ADK: variants seen among roughly 807,000 people sequenced by gnomAD.
ADK encodes the protein N6,N6-dimethyladenosine kinase.
In ADK, 24 loss-of-function variants were observed where a neutral mutation model predicts 44.7. That is an observed-to-expected ratio of 0.54 (90% CI 0.39 to 0.76). ADK has a LOEUF of 0.76. ADK is among the 30% of genes least tolerant of loss of function. The pLI, the probability that ADK is intolerant of heterozygous loss-of-function variation, is 0.00. For missense variants in ADK, 321 were observed against 425.1 expected (o/e 0.76, Z 2.15); for synonymous variants, 128 against 142.6 (o/e 0.90, Z 0.73).
chr10:74,407,917 G>A (rs1470580542), intron 6 of ADK, among the ~76,000 whole-genome samples: 1 of 152,000 alleles, frequency 6.6e-6, no homozygotes, highest in Non-Finnish European at 1.5e-5. Flanking sequence ...GGCTGGAAGT[G>A]CAAATCTCTA....
chr10:74,186,370 C>G lies in ADK; in HGVS notation c.66-14394C>G, dbSNP rs867022939. ...ACACGTCTCACTGCAACCTTGACCT[C>G]CCCAGCCCAAGCCATCTACTTGCCT... is the stretch of plus-strand genomic sequence containing the variant. On this transcript the variant is annotated intron_variant, in intron 1 of 10. Transcript: ENST00000539909. 2.3e-4 allele frequency among the ~76,000 whole-genome samples: 35 copies of G among 152,172 alleles called. 1 individual carries two copies. Among genetic ancestry groups the G allele is most frequent in the Middle Eastern group, 6.8e-3 (2 of 294 alleles).
chr10:74,639,441 ATAAAC>A (rs1853751546), intron 9 of ADK, among the ~76,000 whole-genome samples: 1 of 152,222 alleles, frequency 6.6e-6, no homozygotes, highest in Non-Finnish European at 1.5e-5. Context: ...TACATGAAAA[ATAAAC>A]TAACACAGTG....
intron 6 of ADK, among the ~76,000 whole-genome samples, chr10:74,431,687 G>A (rs932300811): frequency 6.6e-6 from 1 of 152,200 alleles, no homozygotes; most frequent in Non-Finnish European, 1.5e-5. Context: ...GTTGCAGTGA[G>A]CCTAGATTGT....
At chr10:74,702,751 A>G (rs951741879) in intron 10 of ADK, among the ~76,000 whole-genome samples, 11 of 151,852 alleles carry the variant, frequency 7.2e-5, no homozygotes, top group African/African-American at 2.7e-4. Flanking sequence ...AGCAAGTGCC[A>G]TAACACCTGG....
intron 10 of ADK, among the ~76,000 whole-genome samples, chr10:74,701,704 G>T (rs1362817576): frequency 6.6e-6 from 1 of 152,328 alleles, no homozygotes; most frequent in Non-Finnish European, 1.5e-5. Context: ...CAGCACTTTG[G>T]GAGGCTGAGG....
intron 1 of ADK, among the ~76,000 whole-genome samples, 165 bp from the exon 2 acceptor site, chr10:74,200,599 C>G (rs1843343137): frequency 6.6e-6 from 1 of 151,942 alleles, no homozygotes; most frequent in Admixed American, 6.6e-5. Flanking sequence ...CTTTATGCTA[C>G]CTCTAAAATG....
At chr10:74,238,217 T>C (rs1845048871) in intron 3 of ADK, among the ~76,000 whole-genome samples, 2 of 152,200 alleles carry the variant, frequency 1.3e-5, no homozygotes, top group African/African-American at 2.4e-5. Context: ...CTCTGGTAGA[T>C]TCTTATCACA....
At chr10:74,425,724 G>T (rs927318042) in intron 6 of ADK, among the ~76,000 whole-genome samples, 1 of 152,192 alleles carries the variant, frequency 6.6e-6, no homozygotes, top group African/African-American at 2.4e-5. Context: ...CAGAATGAAA[G>T]AATCTGAGTG....
intron 10 of ADK, among the ~76,000 whole-genome samples, chr10:74,685,855 C>G (rs763835792): frequency 1.3e-5 from 2 of 151,940 alleles, no homozygotes; most frequent in Non-Finnish European, 2.9e-5. Context: ...TCAAAAGGAG[C>G]ATAAACCCAT....
At chr10:74,559,858 GT>G (rs535818789) in intron 7 of ADK, among the ~76,000 whole-genome samples, 6,383 of 140,762 alleles carry the variant, frequency 0.045, 401 homozygotes, top group African/African-American at 0.14. Context: ...TTTTCATGTT[GT>G]TTTTTTTTTT....
At chr10:74,594,561 A>G (rs1377746434) in intron 8 of ADK, among the ~76,000 whole-genome samples, 1 of 152,090 alleles carries the variant, frequency 6.6e-6, no homozygotes, top group Non-Finnish European at 1.5e-5. Flanking sequence ...GTTAATCTGG[A>G]GTAAATAATA....
At position 74,674,723 on chromosome 10, in the gene ADK, A is replaced by G. The variant is rs556178116; in HGVS notation, c.964+4454A>G. ...ATGGTGAAACCCCATCTCTACTAAAAATAGAAAAATTAGCCGGGCATGGCG... is the reference window on the plus strand; with the variant it reads ...ATGGTGAAACCCCATCTCTACTAAAGATAGAAAAATTAGCCGGGCATGGCG... On this transcript the variant is annotated intron_variant, in intron 10 of 10. Coordinates refer to ENST00000539909, the MANE Select transcript of ADK (RefSeq NM_006721.4). 2.0e-5 allele frequency among the ~76,000 whole-genome samples: 3 copies of G among 152,196 alleles called. No homozygotes were observed. The East Asian group carries it at 5.8e-4, about 29-fold the overall frequency.
At chr10:74,172,290 T>A (rs1012324423) in intron 1 of ADK, among the ~76,000 whole-genome samples, 1 of 152,002 alleles carries the variant, frequency 6.6e-6, no homozygotes, top group African/African-American at 2.4e-5. Flanking sequence ...AGGTGTGTGG[T>A]CTCCCTATGT....
intron 5 of ADK, among the ~76,000 whole-genome samples, chr10:74,397,482 T>G (rs1317320115): frequency 6.6e-6 from 1 of 152,040 alleles, no homozygotes; most frequent in Non-Finnish European, 1.5e-5. Flanking sequence ...AAATAATTAT[T>G]GTATTTATTT....
intron 7 of ADK, among the ~76,000 whole-genome samples, chr10:74,567,698 TG>T (rs1220314112): frequency 1.1e-3 from 148 of 129,280 alleles, no homozygotes; most frequent in African/African-American, 4.3e-3. Context: ...TTGTTTTTTT[TG>T]TTTTTTTTTT....
chr10:74,407,021 C>T (rs1382394619), intron 6 of ADK, among the ~76,000 whole-genome samples: 1 of 150,066 alleles, frequency 6.7e-6, no homozygotes, highest in Non-Finnish European at 1.5e-5. Context: ...CTCGTTCCGT[C>T]GCCCAAGCTG....
intron 6 of ADK, among the ~76,000 whole-genome samples, chr10:74,479,112 C>A (rs1323260372): frequency 1.3e-5 from 2 of 152,134 alleles, no homozygotes; most frequent in African/African-American, 4.8e-5. Context: ...GATCCTCCCA[C>A]CTCAACTTCC....
At chr10:74,462,409 A>G (rs1359223528) in intron 6 of ADK, among the ~76,000 whole-genome samples, 1 of 152,086 alleles carries the variant, frequency 6.6e-6, no homozygotes, top group Non-Finnish European at 1.5e-5. Context: ...ACCTACAGAG[A>G]AAAAAAGTAT....
In ADK at chr10:74,575,692, G is replaced by A. The variant is rs145498565; in HGVS notation, c.727-13590G>A. Among the ~76,000 whole-genome samples, 7 of 152,266 alleles carry A rather than the reference G, an allele frequency of 4.6e-5. No individual in the cohort carries two copies. In the East Asian group the frequency reaches 1.2e-3, roughly 25 times the overall value. On this transcript the variant is annotated intron_variant, in intron 7 of 10. Coordinates refer to ENST00000539909, the MANE Select transcript of ADK (RefSeq NM_006721.4). ...GAAAGGAAAAGTAGGGGCAGGTTAC[G>A]AAGGACCTCTGAAAGTCAGACTGTG...
Sources: gnomAD v4.1 joint callset for allele counts (sites outside exome capture counted in the v4.1 genomes callset) on GRCh38, gnomAD v4.1.1 for gene constraint, MANE v1.5 for transcripts, NCBI Gene and HGNC (gene_info 2026-07-23, HGNC 2026-07-21) for gene names.